The following ABLIM3 variants were observed in gnomAD, a reference collection of about 807,000 sequenced individuals.
The protein encoded by ABLIM3 is actin-binding LIM protein 3.
A neutral mutation model predicts 109.5 loss-of-function variants in ABLIM3; 61 were observed. The ratio of observed to expected loss-of-function variants is 0.56; its 90% CI spans 0.45 to 0.69. The LOEUF (loss-of-function observed/expected upper bound fraction) is 0.69, where lower values mean the gene tolerates loss of function less well. Ranked by LOEUF, ABLIM3 falls within the 30% of genes least tolerant of loss-of-function variation. The pLI, the probability that ABLIM3 is intolerant of heterozygous loss-of-function variation, is 0.00. For missense variants in ABLIM3, 796 were observed against 889.5 expected (o/e 0.89, Z 1.34); for synonymous variants, 300 against 324.8 (o/e 0.92, Z 0.82).
chr5:149,225,972 GTGTGTGTGTGTATATA>G (rs1761171190), intron 8 of ABLIM3, among the ~76,000 whole-genome samples: 2 of 73,962 alleles, frequency 2.7e-5, no homozygotes, highest in East Asian at 6.8e-4. Context: ...GTGTGTGTGT[GTGTGTGTGTGTATATA>G]TATATATATA....
intron 23 of ABLIM3, among the ~76,000 whole-genome samples, chr5:149,255,626 T>A (rs931654953): frequency 6.6e-6 from 1 of 152,144 alleles, no homozygotes; most frequent in African/African-American, 2.4e-5. Flanking sequence ...GAGTGGGGCA[T>A]GCTTTTATAA....
chr5:149,153,476 G>A (rs1753614784), intron 2 of ABLIM3, among the ~76,000 whole-genome samples: 1 of 152,180 alleles, frequency 6.6e-6, no homozygotes, highest in African/African-American at 2.4e-5. Context: ...TTGGTCTCAA[G>A]TTCAGAAAGA....
chr5:149,201,754 G>A (rs2127500335), intron 5 of ABLIM3, among the ~76,000 whole-genome samples: 1 of 152,284 alleles, frequency 6.6e-6, no homozygotes, highest in African/African-American at 2.4e-5. Context: ...CAAGGAGGCT[G>A]GGATATGGGA....
intron 10 of ABLIM3, among the ~76,000 whole-genome samples, 153 bp downstream of exon 10, chr5:149,233,453 T>C (rs1762059991): frequency 6.6e-6 from 1 of 152,150 alleles, no homozygotes; most frequent in Non-Finnish European, 1.5e-5. Flanking sequence ...GTCTTGAGGA[T>C]CCAGTGGGGT....
chr5:149,259,342 C>T lies in ABLIM3; in HGVS notation c.*938C>T, dbSNP rs762114021. 1.5e-5 allele frequency: 22 copies of T among 1,435,120 alleles called. No individual in the cohort carries two copies. The highest frequency in any genetic ancestry group is 1.9e-5 in the Non-Finnish European group (21 of 1,098,426). The allele number at this position is 1,435,120 out of a possible 1,614,324, so 88.9% of individuals were successfully genotyped here. A position where few individuals can be genotyped will look rare whatever the true frequency, so the allele number is the denominator to read the frequency against. ...ATTACAATCTATGTGCCTGACAACT[C>T]AACACACCGCAGGGCTAATGTTCCC... On this transcript the variant is annotated 3_prime_UTR_variant, in exon 24 of 24. Transcript: ENST00000309868.
chr5:149,252,067 G>T, intron 21 of ABLIM3, 134 bp from the exon 22 acceptor site: 1 of 951,422 alleles, frequency 1.1e-6, no homozygotes, highest in South Asian at 1.8e-5. Flanking sequence ...GCAAGGACAA[G>T]GTCTCTGATG....
At chr5:149,256,405 A>C (rs1237688752) in intron 23 of ABLIM3, among the ~76,000 whole-genome samples, 2 of 152,238 alleles carry the variant, frequency 1.3e-5, no homozygotes, top group African/African-American at 2.4e-5. Flanking sequence ...GTCTTTCAGC[A>C]CTCACTTGAG....
At position 149,209,917 on chromosome 5, in the gene ABLIM3, T is replaced by C. The variant is rs114250037; in HGVS notation, c.576-809T>C. 7.0e-3 allele frequency among the ~76,000 whole-genome samples: 1,070 copies of C among 152,350 alleles called. 14 individuals carry two copies. Among genetic ancestry groups the C allele is most frequent in the African/African-American group, 0.024 (1,007 of 41,574 alleles). ...CAACAGCTTCGAGATGGAAAAGTGA[T>C]GTGCCTCTCCTTTAGGTCTCTCAGT... On this transcript the variant is annotated intron_variant, in intron 6 of 23. Transcript: ENST00000309868.
At chr5:149,234,978 G>T (rs1754278575) in intron 10 of ABLIM3, among the ~76,000 whole-genome samples, 1 of 152,142 alleles carries the variant, frequency 6.6e-6, no homozygotes, top group South Asian at 2.1e-4. Flanking sequence ...TCCCAGAATT[G>T]CCCCTGTGAT....
rs1759462376 is a variant in ABLIM3 at position 149,210,762 on chromosome 5, C to T, written c.612C>T (p.Ala204=). 1.9e-6 allele frequency: 3 copies of T among 1,614,012 alleles called. No homozygotes were observed. Among genetic ancestry groups the T allele is most frequent in the Non-Finnish European group, 2.5e-6 (3 of 1,179,978 alleles). Residue 204 remains alanine (A), a synonymous_variant, in exon 7 of 24, where the codon GCC becomes GCT. Coordinates refer to ENST00000309868, the MANE Select transcript of ABLIM3 (RefSeq NM_014945.5). ...CATACTGTGAGTCCGACTACCATGC[C>T]CAGTTTGGCATTAAATGTGAGACTT... ...GVPYCESDYH[A]QFGIKCETCD... is the part of the protein sequence containing the mutation.
At chr5:149,161,098 T>C (rs1754323565) in intron 2 of ABLIM3, among the ~76,000 whole-genome samples, 4 of 152,190 alleles carry the variant, frequency 2.6e-5, no homozygotes, top group Non-Finnish European at 5.9e-5. Context: ...TTCTGTCCTT[T>C]GAGTTAGTCC....
intron 6 of ABLIM3, 28 bp from the exon 7 acceptor site, chr5:149,210,698 C>T: frequency 1.2e-6 from 2 of 1,604,198 alleles, no homozygotes; most frequent in Non-Finnish European, 1.7e-6. Context: ...CCCTAACTTC[C>T]TCATCCTATG....
At chr5:149,254,755 G>T (rs1754279413) in intron 23 of ABLIM3, among the ~76,000 whole-genome samples, 1 of 152,178 alleles carries the variant, frequency 6.6e-6, no homozygotes, top group Admixed American at 6.5e-5. Flanking sequence ...AGCTCCCAGG[G>T]CAGCTCAGTG....
chr5:149,161,268 G>T (rs1456763728), intron 2 of ABLIM3, among the ~76,000 whole-genome samples: 1 of 152,170 alleles, frequency 6.6e-6, no homozygotes, highest in Non-Finnish European at 1.5e-5. Flanking sequence ...ATGCTCCTTA[G>T]CCAGTAGCAA....
At chr5:149,167,105 A>AT (rs1754906194) in intron 2 of ABLIM3, among the ~76,000 whole-genome samples, 1 of 152,196 alleles carries the variant, frequency 6.6e-6, no homozygotes. Context: ...GGATTTCTAG[A>AT]GTACAACAGC....
intron 6 of ABLIM3, 145 bp from the exon 7 acceptor site, chr5:149,210,581 T>C: frequency 1.5e-6 from 1 of 682,220 alleles, no homozygotes; most frequent in Non-Finnish European, 2.6e-6. Flanking sequence ...AGATGATTCT[T>C]TCATACAGAT....
chr5:149,247,861 C>T lies in ABLIM3; in HGVS notation c.1631C>T (p.Pro544Leu), dbSNP rs767468664. The T allele has an allele frequency of 6.2e-7, 1 of 1,614,248 alleles. No individual in the cohort carries two copies. Among genetic ancestry groups the T allele is most frequent in the Middle Eastern group, 1.6e-4 (1 of 6,062 alleles). Residue 544 changes from proline (P) to leucine (L), a missense_variant, in exon 18 of 24, where the codon CCT becomes CTT. Pro to Leu is a moderately conservative substitution (Grantham distance 98). Coordinates refer to ENST00000309868, the MANE Select transcript of ABLIM3 (RefSeq NM_014945.5). Reference sequence around the variant, plus strand: ...AGCTCCTATGCAGATCCCTGGACCCCTCCCCGGAGCTCCACCAGCAGCCGG... The same window carrying T: ...AGCTCCTATGCAGATCCCTGGACCCTTCCCCGGAGCTCCACCAGCAGCCGG... The part of the protein sequence containing the change: ...RSSSYADPWT[P>L]PRSSTSSREA...
At chr5:149,248,972 A>G (rs984952827) in intron 18 of ABLIM3, among the ~76,000 whole-genome samples, 2 of 152,082 alleles carry the variant, frequency 1.3e-5, no homozygotes, top group Admixed American at 6.6e-5. Context: ...GGATCAATAC[A>G]TTATGGATAA....
rs772140101 is a variant in ABLIM3 at position 149,206,987 on chromosome 5, C to T, written c.449-21C>T. ...AAAGGGCCCAGGGTGCTTTGCTCAG[C>T]AGTGTCCTCTTGTCTTGCAGACTGT... On this transcript the variant is annotated intron_variant, in intron 5 of 23. Coordinates refer to ENST00000309868, the MANE Select transcript of ABLIM3 (RefSeq NM_014945.5). 6.2e-6 allele frequency: 10 copies of T among 1,612,586 alleles called. No individual in the cohort carries two copies. In the Admixed American group the frequency reaches 1.7e-4, roughly 27 times the overall value.
Sources: allele counts gnomAD v4.1 joint callset (sites outside exome capture counted in the v4.1 genomes callset), GRCh38; gene constraint gnomAD v4.1.1; transcripts MANE v1.5; gene names NCBI Gene and HGNC (gene_info 2026-07-23, HGNC 2026-07-21).